SYNE2: variants seen among roughly 807,000 people sequenced by gnomAD.
SYNE2 encodes the protein nesprin-2.
SYNE2 carries 431 observed loss-of-function variants against 856.3 expected under a neutral mutation model. The ratio of observed to expected loss-of-function variants is 0.50; its 90% CI spans 0.47 to 0.55. The LOEUF (loss-of-function observed/expected upper bound fraction) is 0.55. Among genes scored for constraint, SYNE2 ranks in the 20% least tolerant of loss-of-function variants. SYNE2 has a pLI of 0.00. For missense variants in SYNE2, 8,129 were observed against 8,023.2 expected, an observed-to-expected ratio of 1.01 and a Z score of -0.50; for synonymous variants, 2,923 against 2,872.3, an observed-to-expected ratio of 1.02 and a Z score of -0.56.
intron 2 of SYNE2, among the ~76,000 whole-genome samples, chr14:63,914,852 A>G (rs763821104): frequency 3.3e-5 from 5 of 152,180 alleles, no homozygotes; most frequent in Non-Finnish European, 7.3e-5. Flanking sequence ...ATCTTGGCCC[A>G]CTGCAGCCTC....
At chr14:64,003,395 AG>A (rs1290378298) in intron 30 of SYNE2, 65 bp downstream of exon 30, 10 of 1,595,332 alleles carry the variant, frequency 6.3e-6, no homozygotes, top group Non-Finnish European at 1.7e-6. Flanking sequence ...CACTTCTGTT[AG>A]GTGAAAGAAA....
rs766959221 is a variant in SYNE2, at chr14:63,980,684, C to T, written c.1600C>T (p.Arg534Ter). 5 of 1,606,438 alleles carry T rather than the reference C, an allele frequency of 3.1e-6. No homozygotes were observed. Among genetic ancestry groups the T allele is most frequent in the Non-Finnish European group, 4.3e-6 (5 of 1,173,574 alleles). Reference protein sequence around the residue: ...KFIEEKEFLARLDTSFQKCGE... With the variant: ...KFIEEKEFLA Reference sequence around the variant, plus strand: ...TATTGAAGAAAAAGAATTCCTAGCTCGACTTGATACTTCTTTTCAAAAATG... The same window carrying T: ...TATTGAAGAAAAAGAATTCCTAGCTTGACTTGATACTTCTTTTCAAAAATG... Residue 534 changes from arginine to a stop codon, truncating the protein, a stop_gained, in exon 15 of 116, where the codon CGA becomes TGA. Coordinates refer to ENST00000555002, the MANE Select transcript of SYNE2 (RefSeq NM_182914.3). LOFTEE classifies it high-confidence loss of function.
intron 1 of SYNE2, among the ~76,000 whole-genome samples, chr14:63,840,936 C>T (rs1305065267): frequency 2.0e-5 from 3 of 152,106 alleles, no homozygotes; most frequent in Non-Finnish European, 2.9e-5. Flanking sequence ...ATCGCTTGAA[C>T]CCGGGAGGCA....
chr14:63,791,158 C>G (rs1203506704), intron 1 of SYNE2, among the ~76,000 whole-genome samples: 1 of 151,974 alleles, frequency 6.6e-6, no homozygotes, highest in Non-Finnish European at 1.5e-5. Flanking sequence ...GTCAGGGTTT[C>G]ACCATGTTGT....
At chr14:64,174,379 A>G (rs1191475561) in intron 94 of SYNE2, among the ~76,000 whole-genome samples, 1 of 152,054 alleles carries the variant, frequency 6.6e-6, no homozygotes, top group Admixed American at 6.5e-5. Context: ...GTCTAAAACT[A>G]TTGTTTTTAA....
At chr14:63,767,724 C>T (rs545890488) in intron 1 of SYNE2, among the ~76,000 whole-genome samples, 2 of 152,208 alleles carry the variant, frequency 1.3e-5, no homozygotes, top group East Asian at 1.9e-4. Flanking sequence ...ATTGCCTAAG[C>T]GTTTGCACTA....
intron 6 of SYNE2, among the ~76,000 whole-genome samples, chr14:63,944,759 T>A (rs2153422451): frequency 6.7e-6 from 1 of 149,294 alleles, no homozygotes; most frequent in Admixed American, 6.7e-5. Flanking sequence ...GACCTCATGA[T>A]CTTCCTGCCT....
At position 63,827,638 on chromosome 14, in the gene SYNE2, A is replaced by AAAAC. The variant is rs1555342671; in HGVS notation, c.-304-24860_-304-24859insCAAA. Among the ~76,000 whole-genome samples the AAAAC allele has an allele frequency of 3.9e-3, 394 of 102,100 alleles. 18 individuals carry two copies. The highest frequency in any genetic ancestry group is 0.011 in the East Asian group (34 of 3,228). 67.0% of individuals were successfully genotyped at this position (102,100 alleles called of 152,430 possible). On this transcript the variant is annotated intron_variant, in intron 1 of 23. Coordinates refer to the SYNE2 transcript ENST00000674003. ...GAAACTCTGTCTCAAAAAAAAAAAA[A>AAAAC]AAAAAAAAAAAAAAAAAAGAAAGAA... is the stretch of plus-strand genomic sequence containing the variant.
In SYNE2 at chr14:64,086,122, A is replaced by G. The variant is rs571109291; in HGVS notation, c.11485-1549A>G. Among the ~76,000 whole-genome samples the G allele has an allele frequency of 7.5e-4, 114 of 152,326 alleles. 1 individual carries two copies. The highest frequency in any genetic ancestry group is 1.7e-3 in the Admixed American group (26 of 15,306). ...AAGATTTCTTCCTGTGTTTTCTTCC[A>G]GTAACTTGATAGTTTTAACTCTTAC... On this transcript the variant is annotated intron_variant, in intron 57 of 115. Transcript: ENST00000555002.
intron 1 of SYNE2, among the ~76,000 whole-genome samples, chr14:63,892,396 T>C (rs1202239399): frequency 6.6e-6 from 1 of 151,632 alleles, no homozygotes; most frequent in Non-Finnish European, 1.5e-5. Flanking sequence ...CTCAGAGCAG[T>C]TTTTTCCAGA....
chr14:63,882,674 C>T (rs2094892193), intron 1 of SYNE2, among the ~76,000 whole-genome samples: 1 of 152,044 alleles, frequency 6.6e-6, no homozygotes. Flanking sequence ...CCACTGCACT[C>T]CAGTGTGTGT....
At chr14:63,769,828 G>A (rs1270299651) in intron 1 of SYNE2, among the ~76,000 whole-genome samples, 1 of 151,954 alleles carries the variant, frequency 6.6e-6, no homozygotes, top group Admixed American at 6.6e-5. Context: ...AAGCCCAGGA[G>A]GTGGAGGTTG....
intron 107 of SYNE2, 37 bp from the exon 108 acceptor site, chr14:64,216,211 G>C (rs1490033973): frequency 6.2e-7 from 1 of 1,613,230 alleles, no homozygotes. Context: ...CGTTCAGTAG[G>C]AGAGAATAGA....
chr14:64,074,168 G>T, intron 53 of SYNE2, 32 bp downstream of exon 53: 1 of 1,603,470 alleles, frequency 6.2e-7, no homozygotes, highest in South Asian at 1.1e-5. Context: ...GAATGTGGCA[G>T]GTACAGGCCC....
At chr14:63,776,641 C>T (rs905488828) in intron 1 of SYNE2, among the ~76,000 whole-genome samples, 11 of 150,050 alleles carry the variant, frequency 7.3e-5, no homozygotes, top group Non-Finnish European at 1.3e-4. Flanking sequence ...ACTCTGTTGC[C>T]CAGGCTGGAG....
chr14:64,156,974 G>T (rs934317005), intron 85 of SYNE2, among the ~76,000 whole-genome samples: 6 of 152,090 alleles, frequency 3.9e-5, no homozygotes, highest in Non-Finnish European at 8.8e-5. Flanking sequence ...CAGAAAACAG[G>T]GTCTGAGTGC....
chr14:63,963,966 A>T lies in SYNE2; in HGVS notation c.956A>T (p.Asp319Val). ...QKEKLQKLLK[D>V]SENDTYFKKY... ...GAAAAACTACAGAAGTTGCTAAAGG[A>T]TTCAGAGAATGATACCTACTTTAAA... The change falls in exon 10 of 116, where the codon GAT (aspartate) becomes GTT (valine). Residue 319 changes from aspartate (D) to valine (V), a missense_variant. Around this residue, in one of 3 missense-constraint regions of SYNE2, gnomAD observed 2,422 missense variants for 2,357.4 expected, o/e 1.03. Transcript: ENST00000555002. The T allele has an allele frequency of 6.2e-7, 1 of 1,610,234 alleles. No homozygotes were observed. Among genetic ancestry groups the T allele is most frequent in the South Asian group, 1.1e-5 (1 of 90,932 alleles).
At chr14:64,100,732 A>G (rs914372203) in intron 63 of SYNE2, among the ~76,000 whole-genome samples, 1 of 150,966 alleles carries the variant, frequency 6.6e-6, no homozygotes, top group Admixed American at 6.6e-5. Context: ...TATATTAACT[A>G]TAGTCACCAT....
Position 64,208,947 on chromosome 14 carries a change from T to A in SYNE2, c.18389+2T>A. 6.2e-7 allele frequency: 1 copy of A among 1,613,642 alleles called. No individual in the cohort carries two copies. The highest frequency in any genetic ancestry group is 8.5e-7 in the Non-Finnish European group (1 of 1,179,896). On this transcript the variant is annotated splice_donor_variant, in intron 101 of 115. Coordinates refer to ENST00000555002, the MANE Select transcript of SYNE2 (RefSeq NM_182914.3). LOFTEE classifies it high-confidence loss of function. ...CATGTCCATGGAGCGGCGCATGAAG[T>A]AAGAACTAAGCTCCCCCAAATGCCT...
Sources: allele counts gnomAD v4.1 joint callset (sites outside exome capture counted in the v4.1 genomes callset), GRCh38; gene constraint gnomAD v4.1.1; regional missense constraint gnomAD v4.1.1; transcripts MANE v1.5; gene names NCBI Gene and HGNC (gene_info 2026-07-23, HGNC 2026-07-21).